Variants in KATNA1 observed in about 807,000 individuals in gnomAD.
KATNA1 encodes katanin catalytic subunit A1.
Under a neutral mutation model 62.6 loss-of-function variants are expected in KATNA1, and 42 were observed. That is an observed-to-expected ratio of 0.67 (90% CI 0.52 to 0.87). KATNA1 has a LOEUF of 0.87. Ranked by LOEUF, KATNA1 falls within the 40% of genes least tolerant of loss-of-function variation. The pLI, the probability that KATNA1 is intolerant of heterozygous loss-of-function variation, is 0.00. For synonymous variants in KATNA1, 186 were observed against 201.9 expected, an observed-to-expected ratio of 0.92 and a Z score of 0.67; for missense variants, 498 against 612.5, an observed-to-expected ratio of 0.81 and a Z score of 1.97.
chr6:149,624,983 GACAGA>G (rs1562294084), intron 3 of KATNA1, among the ~76,000 whole-genome samples: 2 of 151,630 alleles, frequency 1.3e-5, no homozygotes, highest in Non-Finnish European at 2.9e-5. Flanking sequence ...TACAATTATA[GACAGA>G]ACATCAGTAA....
intron 3 of KATNA1, among the ~76,000 whole-genome samples, chr6:149,625,769 A>G (rs957593473): frequency 9.2e-5 from 14 of 152,110 alleles, no homozygotes; most frequent in Non-Finnish European, 1.8e-4. Context: ...CCCCGTCTCT[A>G]CTAAAAATAC....
At chr6:149,596,208 C>T (rs1252339073) in intron 10 of KATNA1, among the ~76,000 whole-genome samples, 2 of 152,186 alleles carry the variant, frequency 1.3e-5, no homozygotes, top group African/African-American at 4.8e-5. Flanking sequence ...CCTGCTAACA[C>T]CAACAAAACC....
At chr6:149,626,821 T>TA (rs1779629613) in intron 3 of KATNA1, among the ~76,000 whole-genome samples, 1 of 149,882 alleles carries the variant, frequency 6.7e-6, no homozygotes, top group African/African-American at 2.5e-5. Context: ...CCGTCTCTAC[T>TA]AAAAATACAA....
intron 9 of KATNA1, 37 bp downstream of exon 9, chr6:149,597,470 G>C: frequency 6.2e-7 from 1 of 1,605,256 alleles, no homozygotes; most frequent in Non-Finnish European, 8.5e-7. Context: ...CTACATGAAA[G>C]TTAACAGGCT....
intron 4 of KATNA1, among the ~76,000 whole-genome samples, chr6:149,619,782 T>C (rs1349978061): frequency 6.6e-6 from 1 of 152,160 alleles, no homozygotes; most frequent in South Asian, 2.1e-4. Flanking sequence ...GTCTGACATA[T>C]TCATTTCCCT....
At chr6:149,598,402 A>T in intron 7 of KATNA1, 52 bp from the exon 8 acceptor site, 1 of 1,571,822 alleles carries the variant, frequency 6.4e-7, no homozygotes. Flanking sequence ...ATTTCATTTT[A>T]AAATAATCTA....
intron 4 of KATNA1, among the ~76,000 whole-genome samples, chr6:149,621,708 G>T (rs982083428): frequency 6.7e-6 from 1 of 150,212 alleles, no homozygotes; most frequent in South Asian, 2.1e-4. Flanking sequence ...GGCCAGGCTA[G>T]TCTAGAGCTC....
chr6:149,617,917 C>A (rs1268331916), intron 4 of KATNA1, among the ~76,000 whole-genome samples: 1 of 135,852 alleles, frequency 7.4e-6, no homozygotes, highest in Non-Finnish European at 1.5e-5. Context: ...GCCAGGGTGA[C>A]AGAGTGAAAC....
intron 3 of KATNA1, among the ~76,000 whole-genome samples, chr6:149,629,445 C>T (rs986998818): frequency 1.3e-5 from 2 of 152,038 alleles, no homozygotes; most frequent in African/African-American, 4.8e-5. Flanking sequence ...TTGGACTTCC[C>T]GGCCTCCAGA....
At chr6:149,627,186 A>G (rs1779646878) in intron 3 of KATNA1, among the ~76,000 whole-genome samples, 1 of 151,228 alleles carries the variant, frequency 6.6e-6, no homozygotes, top group Non-Finnish European at 1.5e-5. Context: ...TGAGGTCAGG[A>G]GTTTGAAACC....
At chr6:149,618,306 C>T (rs542381936) in intron 4 of KATNA1, among the ~76,000 whole-genome samples, 2 of 151,678 alleles carry the variant, frequency 1.3e-5, no homozygotes, top group African/African-American at 2.4e-5. Flanking sequence ...GGTGAAACCC[C>T]GTCTCTACTA....
chr6:149,638,448 C>CTG lies in KATNA1; in HGVS notation c.99_100insCA (p.Asp34GlnfsTer4). 6.2e-7 allele frequency: 1 copy of CTG among 1,613,910 alleles called. No individual in the cohort carries two copies. Reference sequence around the variant, plus strand: ...GAGTACAGATACTTGTTCATTTGGTCAAGAACTCCCTGATAATAGACCATC... The same window carrying CTG: ...GAGTACAGATACTTGTTCATTTGGTCTGAAGAACTCCCTGATAATAGACCATC... On this transcript the variant is annotated frameshift_variant, in exon 2 of 11. Transcript: ENST00000367411. LOFTEE classifies it high-confidence loss of function.
At chr6:149,640,913 C>T (rs947247925) in intron 1 of KATNA1, among the ~76,000 whole-genome samples, 10 of 151,752 alleles carry the variant, frequency 6.6e-5, no homozygotes, top group African/African-American at 2.4e-4. Context: ...TCTTGTTGCC[C>T]AGGCTGGAGT....
At chr6:149,631,429 G>A (rs987608181) in intron 3 of KATNA1, 2 of 151,978 alleles carry the variant, frequency 1.3e-5, no homozygotes, top group Non-Finnish European at 2.9e-5. Context: ...AAAATAAAAT[G>A]TAACCAAGGC....
At chr6:149,625,488 G>A (rs373705733) in intron 3 of KATNA1, among the ~76,000 whole-genome samples, 1 of 151,972 alleles carries the variant, frequency 6.6e-6, no homozygotes, top group Non-Finnish European at 1.5e-5. Flanking sequence ...AAATTAGCTG[G>A]GTGTGGTGGC....
Position 149,595,196 on chromosome 6 carries a change from C to T in KATNA1, c.1316G>A (p.Gly439Asp), listed in dbSNP as rs1339152336. Residue 439 changes from glycine (G) to aspartate (D), a missense_variant, in exon 11 of 11, where the codon GGT becomes GAT. Gly to Asp is a moderately conservative substitution (Grantham distance 94). Coordinates refer to ENST00000367411, the MANE Select transcript of KATNA1 (RefSeq NM_007044.4). ...ATTTCGGATTTCCTCTGGAGTCAAA[C>T]CTTCAATGCGCCTTCTCATTGCCAT... ...SLMAMRRRIE[G>D]LTPEEIRNLS... 1 of 1,614,114 alleles carries T rather than the reference C, an allele frequency of 6.2e-7. No individual in the cohort carries two copies. The highest frequency in any genetic ancestry group is 2.2e-5 in the East Asian group (1 of 44,870).
At chr6:149,646,217 G>A (rs1438221178) in intron 1 of KATNA1, among the ~76,000 whole-genome samples, 1 of 151,978 alleles carries the variant, frequency 6.6e-6, no homozygotes, top group African/African-American at 2.4e-5. Context: ...TAATAGAAGG[G>A]ATATCACCTT....
intron 9 of KATNA1, 69 bp from the exon 10 acceptor site, chr6:149,597,258 T>A: frequency 7.3e-6 from 11 of 1,505,258 alleles, no homozygotes; most frequent in Non-Finnish European, 9.9e-6. Flanking sequence ...GTCTCAAATC[T>A]TCTTTGTGTG....
chr6:149,629,010 AG>A (rs1450267047), intron 3 of KATNA1, among the ~76,000 whole-genome samples: 1 of 152,208 alleles, frequency 6.6e-6, no homozygotes, highest in East Asian at 1.9e-4. Flanking sequence ...ATTCAAAATC[AG>A]GAACAGAAAA....
Sources: gnomAD v4.1 joint callset for allele counts (sites outside exome capture counted in the v4.1 genomes callset) on GRCh38, gnomAD v4.1.1 for gene constraint, MANE v1.5 for transcripts, NCBI Gene and HGNC (gene_info 2026-07-23, HGNC 2026-07-21) for gene names.